ARHGAP22: variants seen among roughly 807,000 people sequenced by gnomAD.
ARHGAP22 encodes the protein rho GTPase-activating protein 22.
ARHGAP22 carries 48 observed loss-of-function variants against 59.1 expected under a neutral mutation model. The ratio of observed to expected loss-of-function variants is 0.81; its 90% CI spans 0.64 to 1.03. The LOEUF (loss-of-function observed/expected upper bound fraction) is 1.03, where lower values mean the gene tolerates loss of function less well. Among genes scored for constraint, ARHGAP22 ranks in the 50% least tolerant of loss-of-function variants. The pLI, the probability that ARHGAP22 is intolerant of heterozygous loss-of-function variation, is 0.00. For synonymous variants in ARHGAP22, 445 were observed against 416.4 expected (o/e 1.07, Z -0.84); for missense variants, 1,015 against 958.7 (o/e 1.06, Z -0.78).
intron 1 of ARHGAP22, among the ~76,000 whole-genome samples, chr10:48,603,440 C>T (rs1437690488): frequency 6.6e-6 from 1 of 151,888 alleles, no homozygotes; most frequent in Non-Finnish European, 1.5e-5. Context: ...ACTGTCATTT[C>T]AGTAAAATAA....
At chr10:48,447,944 C>T (rs2045525811) in intron 9 of ARHGAP22, among the ~76,000 whole-genome samples, 1 of 152,034 alleles carries the variant, frequency 6.6e-6, no homozygotes, top group Non-Finnish European at 1.5e-5. Context: ...CCCACCTCCA[C>T]CTGCTGCCCC....
intron 1 of ARHGAP22, among the ~76,000 whole-genome samples, chr10:48,644,847 A>T (rs1462276747): frequency 2.6e-5 from 4 of 152,140 alleles, no homozygotes; most frequent in African/African-American, 9.7e-5. Flanking sequence ...CTAAGCTTTC[A>T]TGTTAAGAAA....
the ARHGAP22 span, among the ~76,000 whole-genome samples, chr10:48,431,916 C>T: frequency 6.6e-6 from 1 of 152,164 alleles, no homozygotes; most frequent in Non-Finnish European, 1.5e-5. Flanking sequence ...TTATTTCATT[C>T]AGCCCCTAAG....
intron 1 of ARHGAP22, among the ~76,000 whole-genome samples, chr10:48,646,326 A>G (rs1007201888): frequency 6.6e-6 from 1 of 152,208 alleles, no homozygotes; most frequent in East Asian, 1.9e-4. Flanking sequence ...TGGGGTGGAG[A>G]AATTGGCATG....
intron 3 of ARHGAP22, chr10:48,532,510 A>T (rs2054943210): frequency 6.6e-6 from 1 of 151,880 alleles, no homozygotes; most frequent in Non-Finnish European, 1.5e-5. Flanking sequence ...ATTATACTTT[A>T]AGTTCTAGGG....
At chr10:48,575,225 A>G (rs1485037419) in intron 2 of ARHGAP22, 1 of 152,334 alleles carries the variant, frequency 6.6e-6, no homozygotes, top group Non-Finnish European at 1.5e-5. Flanking sequence ...TGCTTCCTGT[A>G]CAGCATGCAG....
At chr10:48,510,214 CA>C (rs2052613612) in intron 3 of ARHGAP22, among the ~76,000 whole-genome samples, 1 of 152,146 alleles carries the variant, frequency 6.6e-6, no homozygotes, top group Non-Finnish European at 1.5e-5. Context: ...TGATTTAGCG[CA>C]TGAGCATGCT....
chr10:48,452,773 C>T (rs1250892099), intron 8 of ARHGAP22, among the ~76,000 whole-genome samples: 1 of 152,200 alleles, frequency 6.6e-6, no homozygotes, highest in East Asian at 1.9e-4. Context: ...GGGGCGATTA[C>T]CACAGCACAG....
At chr10:48,540,073 G>A (rs2055782479) in intron 3 of ARHGAP22, among the ~76,000 whole-genome samples, 1 of 152,174 alleles carries the variant, frequency 6.6e-6, no homozygotes, top group African/African-American at 2.4e-5. Context: ...AACTCAGACA[G>A]TAAGACTGAG....
intron 2 of ARHGAP22, among the ~76,000 whole-genome samples, chr10:48,557,839 G>T (rs772036890): frequency 6.6e-6 from 1 of 152,216 alleles, no homozygotes; most frequent in Non-Finnish European, 1.5e-5. Context: ...GGGACTGGGT[G>T]GGGGTTGGGG....
At chr10:48,469,105 G>T (rs2047990370) in intron 4 of ARHGAP22, among the ~76,000 whole-genome samples, 1 of 152,218 alleles carries the variant, frequency 6.6e-6, no homozygotes, top group South Asian at 2.1e-4. Flanking sequence ...TGTTTTCTCT[G>T]CTCTGAGCCA....
chr10:48,605,170 A>C, upstream of ARHGAP22: 1 of 1,132,940 alleles, frequency 8.8e-7, no homozygotes, highest in Non-Finnish European at 1.1e-6. Context: ...GGGCGGGGCC[A>C]GCCAGAGACG....
chr10:48,547,369 C>A (rs906309070), intron 3 of ARHGAP22, among the ~76,000 whole-genome samples: 8 of 152,242 alleles, frequency 5.3e-5, no homozygotes, highest in African/African-American at 1.9e-4. Context: ...CCTGTCCAGG[C>A]CTCCTATTGC....
At chr10:48,462,990 C>T (rs2047299908) in intron 4 of ARHGAP22, among the ~76,000 whole-genome samples, 1 of 152,262 alleles carries the variant, frequency 6.6e-6, no homozygotes, top group Non-Finnish European at 1.5e-5. Flanking sequence ...GTGGGCCACA[C>T]AGGTCCACAG....
chr10:48,523,978 C>T, intron 3 of ARHGAP22: 2 of 1,360,992 alleles, frequency 1.5e-6, no homozygotes, highest in South Asian at 1.5e-5. Flanking sequence ...CACCCCGTGG[C>T]GAGTCCCCGA....
intron 4 of ARHGAP22, among the ~76,000 whole-genome samples, chr10:48,469,390 A>G (rs978793460): frequency 2.6e-5 from 4 of 152,140 alleles, no homozygotes; most frequent in Non-Finnish European, 5.9e-5. Context: ...GGAGCTGACA[A>G]CCTGAGTCTG....
At chr10:48,472,002 T>G (rs2048275120) in intron 4 of ARHGAP22, among the ~76,000 whole-genome samples, 1 of 147,892 alleles carries the variant, frequency 6.8e-6, no homozygotes, top group African/African-American at 2.5e-5. Flanking sequence ...AGGTCAGGAG[T>G]TGGAGACCAG....
chr10:48,435,691 C>T, the ARHGAP22 span: 13 of 152,212 alleles, frequency 8.5e-5, no homozygotes, highest in Admixed American at 2.0e-4. Flanking sequence ...TAACTCAGAG[C>T]ATGTCTTTGA....
At chr10:48,525,019 T>C (rs55665699) in intron 3 of ARHGAP22, among the ~76,000 whole-genome samples, 1 of 152,066 alleles carries the variant, frequency 6.6e-6, no homozygotes, top group Admixed American at 6.5e-5. Context: ...TTTGCAAGTG[T>C]GAGCTATCAT....
Sources: gnomAD v4.1 joint callset for allele counts (sites outside exome capture counted in the v4.1 genomes callset) on GRCh38, gnomAD v4.1.1 for gene constraint, MANE v1.5 for transcripts, NCBI Gene and HGNC (gene_info 2026-07-23, HGNC 2026-07-21) for gene names.